The following RND1 variants were observed in gnomAD, a reference collection of about 807,000 sequenced individuals.
The protein encoded by RND1 is rho-related GTP-binding protein Rho6.
In RND1, 9 loss-of-function variants were observed where a neutral mutation model predicts 27.1. That is an observed-to-expected ratio of 0.33 (90% confidence interval 0.20 to 0.58). RND1 has a LOEUF of 0.58. RND1 is among the 20% of genes least tolerant of loss of function. The pLI, the probability that RND1 is intolerant of heterozygous loss-of-function variation, is 0.86. For synonymous variants in RND1, 108 were observed against 115.7 expected, an observed-to-expected ratio of 0.93 and a Z score of 0.43; for missense variants, 253 against 292.2, an observed-to-expected ratio of 0.87 and a Z score of 0.98.
chr12:48,859,774 G>A (rs1938894133), intron 4 of RND1, among the ~76,000 whole-genome samples: 1 of 152,082 alleles, frequency 6.6e-6, no homozygotes, highest in South Asian at 2.1e-4. Context: ...TATAGTCCCA[G>A]CTACTAGGGA....
Position 48,865,794 on chromosome 12 carries a change from T to C in RND1, c.-27A>G. 3 of 1,562,844 alleles carry C rather than the reference T, an allele frequency of 1.9e-6. No individual in the cohort carries two copies. Among genetic ancestry groups the C allele is most frequent in the Non-Finnish European group, 2.6e-6 (3 of 1,148,228 alleles). Reference sequence around the variant, plus strand: ...GTTGCAGTGTCCGCGGGACTTGAACTTCGATTCAGAAGGGAGGGTTGCGCC... The same window carrying C: ...GTTGCAGTGTCCGCGGGACTTGAACCTCGATTCAGAAGGGAGGGTTGCGCC... On this transcript the variant is annotated 5_prime_UTR_variant, in exon 1 of 5. Transcript: ENST00000309739.
In RND1 at chr12:48,862,204, T is replaced by C; in HGVS notation, c.209-86A>G. On this transcript the variant is annotated intron_variant, in intron 2 of 4. Transcript: ENST00000309739. ...AAGCCCTAAAGCCCTGGGAATACCA[T>C]CCTCAATCCCTGAGGATCCACCCAT... 3 of 747,428 alleles carry C rather than the reference T, an allele frequency of 4.0e-6. No individual in the cohort carries two copies. In the South Asian group the frequency reaches 5.1e-5, roughly 13 times the overall value. 46.3% of individuals were successfully genotyped at this position (747,428 alleles called of 1,614,324 possible).
intron 4 of RND1, 71 bp downstream of exon 4, chr12:48,860,926 C>A (rs992839951): frequency 1.5e-5 from 24 of 1,599,612 alleles, no homozygotes; most frequent in Non-Finnish European, 2.0e-5. Flanking sequence ...TGAGCCAGGG[C>A]CATATTTCAA....
At chr12:48,861,957 C>A in intron 3 of RND1, 52 bp downstream of exon 3, 1 of 1,050,250 alleles carries the variant, frequency 9.5e-7, no homozygotes, top group South Asian at 1.3e-5. Flanking sequence ...GGTCCCGATT[C>A]CTTCTTGGTC....
rs548322327 is a variant in RND1 at position 48,860,178 on chromosome 12, G to A, written c.453+819C>T. Among the ~76,000 whole-genome samples the A allele has an allele frequency of 6.6e-5, 10 of 151,746 alleles. No homozygotes were observed. In the East Asian group the frequency reaches 1.9e-3, roughly 29 times the overall value. ...AGCTAACTGCAACCTCCATCTCCCA[G>A]GTTCAAGCGATTCTCCTGCCTCAGC... On this transcript the variant is annotated intron_variant, in intron 4 of 4. Coordinates refer to ENST00000309739, the MANE Select transcript of RND1 (RefSeq NM_014470.4).
intron 4 of RND1, 22 bp downstream of exon 4, chr12:48,860,975 A>T: frequency 6.2e-7 from 1 of 1,612,488 alleles, no homozygotes; most frequent in Non-Finnish European, 8.5e-7. Flanking sequence ...ACCCCACGAC[A>T]TGCACTTGCA....
At chr12:48,863,847 G>A (rs987344042) in intron 2 of RND1, among the ~76,000 whole-genome samples, 1 of 152,064 alleles carries the variant, frequency 6.6e-6, no homozygotes, top group Non-Finnish European at 1.5e-5. Context: ...GCATTTTTGG[G>A]GAGGGGTGGA....
chr12:48,864,662 G>A (rs1938963510), intron 2 of RND1, 121 bp downstream of exon 2: 9 of 787,564 alleles, frequency 1.1e-5, no homozygotes, highest in Middle Eastern at 5.1e-4. Context: ...CACAACTAAT[G>A]AGTCTTCAGA....
At chr12:48,858,336 C>G in intron 4 of RND1, 95 bp from the exon 5 acceptor site, 4 of 1,399,978 alleles carry the variant, frequency 2.9e-6, no homozygotes, top group Non-Finnish European at 3.8e-6. Flanking sequence ...CCAGAGGGGA[C>G]CCAGCTGCCA....
rs537947485 is a variant in RND1 at position 48,859,545 on chromosome 12, C to T, written c.454-1304G>A. ...ACAAGAGCGAAACTCAGTCCCCCAA[C>T]CCTATGCTCTCATGCACATAAGAAA... On this transcript the variant is annotated intron_variant, in intron 4 of 4. Coordinates refer to ENST00000309739, the MANE Select transcript of RND1 (RefSeq NM_014470.4). Among the ~76,000 whole-genome samples the T allele has an allele frequency of 1.0e-3, 152 of 151,964 alleles. 1 individual carries two copies. The highest frequency in any genetic ancestry group is 3.6e-3 in the African/African-American group (148 of 41,482).
chr12:48,863,448 G>A (rs140146907), intron 2 of RND1, among the ~76,000 whole-genome samples: 2,619 of 152,186 alleles, frequency 0.017, 278 homozygotes, highest in Admixed American at 0.16. Context: ...GCGTTTGGGC[G>A]GTGGTAGTGA....
intron 2 of RND1, among the ~76,000 whole-genome samples, chr12:48,863,117 G>T (rs1188642195): frequency 1.3e-5 from 2 of 152,170 alleles, no homozygotes; most frequent in Non-Finnish European, 2.9e-5. Context: ...ACTGGGGAAG[G>T]GGGAGGGGAG....
chr12:48,862,959 G>GA (rs1211391208), intron 2 of RND1, among the ~76,000 whole-genome samples: 2 of 151,944 alleles, frequency 1.3e-5, no homozygotes, highest in African/African-American at 4.8e-5. Flanking sequence ...AAACTGGGGG[G>GA]AATCCAAGCT....
intron 2 of RND1, among the ~76,000 whole-genome samples, chr12:48,864,438 C>T (rs937593701): frequency 7.9e-6 from 1 of 126,618 alleles, no homozygotes; most frequent in Non-Finnish European, 1.8e-5. Flanking sequence ...CGTGTGTGTG[C>T]ATGTGTGTAC....
chr12:48,861,862 T>C (rs535752300), intron 3 of RND1, 147 bp downstream of exon 3: 1 of 657,414 alleles, frequency 1.5e-6, no homozygotes, highest in South Asian at 1.6e-5. Flanking sequence ...GTCCCAGAGC[T>C]GTAGCTAATG....
chr12:48,858,068 G>C lies in RND1; in HGVS notation c.627C>G (p.His209Gln), dbSNP rs766112027. The change falls in exon 5 of 5, where the codon CAC (histidine) becomes CAG (glutamine). Residue 209 changes from histidine (H) to glutamine (Q), a missense_variant. Transcript: ENST00000309739. ...AGATGAGTTCAGAGCGACTGGGGAGGTGGAGCAGTCGTTTGGAGAGGCTTC... is the reference window on the plus strand; with the variant it reads ...AGATGAGTTCAGAGCGACTGGGGAGCTGGAGCAGTCGTTTGGAGAGGCTTC... ...PVRSLSKRLLHLPSRSELISS... is the reference protein window; with the variant it reads ...PVRSLSKRLLQLPSRSELISS... 1 of 1,614,100 alleles carries C rather than the reference G, an allele frequency of 6.2e-7. No homozygotes were observed. The highest frequency in any genetic ancestry group is 1.3e-5 in the African/African-American group (1 of 74,940).
intron 2 of RND1, 137 bp downstream of exon 2, chr12:48,864,646 C>G: frequency 1.4e-6 from 1 of 719,062 alleles, no homozygotes; most frequent in South Asian, 1.5e-5. Context: ...AACTGTCAGC[C>G]CTCCCCACAA....
At chr12:48,859,858 C>T (rs1037423886) in intron 4 of RND1, among the ~76,000 whole-genome samples, 4 of 152,214 alleles carry the variant, frequency 2.6e-5, no homozygotes, top group African/African-American at 9.6e-5. Flanking sequence ...GCACTCCAAC[C>T]TAGGCAGATC....
In RND1 at chr12:48,857,960, G is replaced by T; in HGVS notation, c.*36C>A. 1 of 1,556,592 alleles carries T rather than the reference G, an allele frequency of 6.4e-7. No homozygotes were observed. Among genetic ancestry groups the T allele is most frequent in the South Asian group, 1.2e-5 (1 of 80,224 alleles). On this transcript the variant is annotated 3_prime_UTR_variant, in exon 5 of 5. Transcript: ENST00000309739. Reference sequence around the variant, plus strand: ...CCCGTGCCTCTGCACCCCAAGGGAGGAAGTAGGGGGTTGTCTCCCCCCTCC... The same window carrying T: ...CCCGTGCCTCTGCACCCCAAGGGAGTAAGTAGGGGGTTGTCTCCCCCCTCC...
Sources: allele counts gnomAD v4.1 joint callset (sites outside exome capture counted in the v4.1 genomes callset), GRCh38; gene constraint gnomAD v4.1.1; transcripts MANE v1.5; gene names NCBI Gene and HGNC (gene_info 2026-07-23, HGNC 2026-07-21).